The following TMC5 variants were observed in gnomAD, a reference collection of about 807,000 sequenced individuals.
TMC5 encodes the protein transmembrane channel-like protein 5.
In TMC5, 86 loss-of-function variants were observed where a neutral mutation model predicts 110.5. The observed-to-expected ratio is 0.78, with a 90% CI of 0.65 to 0.93. TMC5 has a LOEUF of 0.93. TMC5 is among the 40% of genes least tolerant of loss of function. The pLI is 0.00. For synonymous variants in TMC5, 455 were observed against 439.5 expected (o/e 1.04, Z -0.44); for missense variants, 1,144 against 1,222.8 (o/e 0.94, Z 0.96).
intron 5 of TMC5, among the ~76,000 whole-genome samples, chr16:19,455,307 G>A (rs1049605939): frequency 7.9e-5 from 12 of 151,990 alleles, no homozygotes; most frequent in Admixed American, 3.3e-4. Flanking sequence ...AATTTGCCAG[G>A]CTACTCAGGA....
chr16:19,497,282 C>A, intron 21 of TMC5, 119 bp downstream of exon 21: 3 of 1,045,766 alleles, frequency 2.9e-6, no homozygotes, highest in Admixed American at 2.1e-5. Flanking sequence ...TGGATCCAAA[C>A]TGGCTTAAAC....
intron 15 of TMC5, among the ~76,000 whole-genome samples, chr16:19,486,582 G>A (rs1280096558): frequency 6.6e-6 from 1 of 151,970 alleles, no homozygotes; most frequent in Non-Finnish European, 1.5e-5. Context: ...TCACCATGTT[G>A]CCCAGGCTGG....
chr16:19,478,562 A>G (rs981857513), intron 13 of TMC5, among the ~76,000 whole-genome samples: 2 of 151,756 alleles, frequency 1.3e-5, no homozygotes, highest in African/African-American at 4.9e-5. Flanking sequence ...ATTCATTCAT[A>G]CATCCATCCA....
chr16:19,462,482 T>C lies in TMC5; in HGVS notation c.1149-798T>C, dbSNP rs570597527. On this transcript the variant is annotated intron_variant, in intron 6 of 21. Coordinates refer to ENST00000542583, the MANE Select transcript of TMC5 (RefSeq NM_001261841.2). ...TGATTTATAAAGGAAAGAGGTTTAATGGACTCACTGTTCCACACAGCAGGG... is the reference window on the plus strand; with the variant it reads ...TGATTTATAAAGGAAAGAGGTTTAACGGACTCACTGTTCCACACAGCAGGG... 12 of 700,726 alleles carry C rather than the reference T, an allele frequency of 1.7e-5. No individual in the cohort carries two copies. The East Asian group carries it at 2.7e-4, about 16-fold the overall frequency. The allele number at this position is 700,726 out of a possible 1,614,324, so 43.4% of individuals were successfully genotyped here.
upstream of TMC5, among the ~76,000 whole-genome samples, chr16:19,413,753 A>G (rs1293827487): frequency 1.3e-5 from 2 of 152,066 alleles, no homozygotes; most frequent in African/African-American, 4.8e-5. Context: ...TCCCAGCCCT[A>G]GTCATCTACA....
At chr16:19,423,803 G>C (rs1038724335) in intron 1 of TMC5, among the ~76,000 whole-genome samples, 1 of 152,136 alleles carries the variant, frequency 6.6e-6, no homozygotes, top group African/African-American at 2.4e-5. Flanking sequence ...CCAGGCTGGA[G>C]TGCAGTGGTG....
intron 19 of TMC5, among the ~76,000 whole-genome samples, chr16:19,492,965 T>TA (rs1323945383): frequency 8.8e-6 from 1 of 114,116 alleles, no homozygotes; most frequent in East Asian, 2.3e-4. Flanking sequence ...TTATTTCATT[T>TA]ATTTATTTAT....
intron 1 of TMC5, among the ~76,000 whole-genome samples, chr16:19,412,578 GGCT>G (rs1966858475): frequency 6.6e-6 from 1 of 152,100 alleles, no homozygotes; most frequent in Non-Finnish European, 1.5e-5. Flanking sequence ...ATGTTGGCCA[GGCT>G]GGTCTTGAAC....
Position 19,440,595 on chromosome 16 carries a change from A to G in TMC5, c.557A>G (p.Lys186Arg), listed in dbSNP as rs779644339. Reference protein sequence around the residue: ...RANLNHPGSRKNLEHTSFRIN... With the variant: ...RANLNHPGSRRNLEHTSFRIN... ...AATTTGAACCATCCAGGATCCAGAA[A>G]GAATCTGGAACATACAAGTTTTAGA... Residue 186 changes from lysine to arginine, a missense_variant, in exon 3 of 22, where the codon AAG becomes AGG. Physicochemically the swap from Lys to Arg is conservative, Grantham distance 26. Coordinates refer to ENST00000542583, the MANE Select transcript of TMC5 (RefSeq NM_001261841.2). 1 of 1,614,198 alleles carries G rather than the reference A, an allele frequency of 6.2e-7. No individual in the cohort carries two copies. Among genetic ancestry groups the G allele is most frequent in the South Asian group, 1.1e-5 (1 of 91,080 alleles).
At chr16:19,410,625 C>G (rs1900629565), upstream of TMC5, 1 of 152,318 alleles carries the variant, frequency 6.6e-6, no homozygotes, top group Admixed American at 6.5e-5. Context: ...CGTCCCAACC[C>G]AGCAGGAACT....
chr16:19,445,961 G>A (rs965941779), intron 4 of TMC5, among the ~76,000 whole-genome samples: 1 of 151,634 alleles, frequency 6.6e-6, no homozygotes, highest in African/African-American at 2.4e-5. Flanking sequence ...GCTGCCGTGA[G>A]CCATGACTGT....
Position 19,425,973 on chromosome 16 carries a change from C to T in TMC5, c.-307-4440C>T, listed in dbSNP as rs1967081828. Among the ~76,000 whole-genome samples, 3 of 152,206 alleles carry T rather than the reference C, an allele frequency of 2.0e-5. No individual in the cohort carries two copies. In the South Asian group the frequency reaches 6.2e-4, roughly 31 times the overall value. Reference sequence around the variant, plus strand: ...AATTGCTGGGATTACAGGCGTGAGCCACCGCACCCAGCCAATAGCACCTAT... The same window carrying T: ...AATTGCTGGGATTACAGGCGTGAGCTACCGCACCCAGCCAATAGCACCTAT... On this transcript the variant is annotated intron_variant, in intron 1 of 21. Coordinates refer to ENST00000542583, the MANE Select transcript of TMC5 (RefSeq NM_001261841.2).
chr16:19,489,358 A>G (rs9888809), intron 17 of TMC5, among the ~76,000 whole-genome samples: 124,685 of 151,846 alleles, frequency 0.82, 51,443 homozygotes, highest in South Asian at 0.93. Context: ...TTTTTGAGAC[A>G]GAGTCTCACT....
chr16:19,490,381 C>G lies in TMC5; in HGVS notation c.2574-14C>G. On this transcript the variant is annotated splice_polypyrimidine_tract_variant and intron_variant, in intron 17 of 21. Transcript: ENST00000542583. Reference sequence around the variant, plus strand: ...TCTTGTGCTAGAGATGTTCTTCCATCTTTGTTTTACCAGATTGAAGCCTTC... The same window carrying G: ...TCTTGTGCTAGAGATGTTCTTCCATGTTTGTTTTACCAGATTGAAGCCTTC... 6.2e-7 allele frequency: 1 copy of G among 1,613,720 alleles called. No individual in the cohort carries two copies. Among genetic ancestry groups the G allele is most frequent in the Middle Eastern group, 1.7e-4 (1 of 6,060 alleles).
chr16:19,490,276 GATT>G, intron 17 of TMC5, 116 bp from the exon 18 acceptor site: 1 of 991,496 alleles, frequency 1.0e-6, no homozygotes, highest in Non-Finnish European at 1.5e-6. Context: ...AAGTGGGTGT[GATT>G]GGATCAGGCA....
chr16:19,444,407 G>T (rs371912473), intron 4 of TMC5, among the ~76,000 whole-genome samples, 157 bp downstream of exon 4: 5 of 152,076 alleles, frequency 3.3e-5, no homozygotes, highest in African/African-American at 1.2e-4. Context: ...AGAATTCAGT[G>T]TTTAGAGAAG....
chr16:19,469,673 T>A lies in TMC5; in HGVS notation c.1638-8T>A, dbSNP rs1029689524. 1.9e-6 allele frequency: 3 copies of A among 1,613,856 alleles called. No homozygotes were observed. On this transcript the variant is annotated splice_polypyrimidine_tract_variant and splice_region_variant and intron_variant, in intron 9 of 21. Coordinates refer to ENST00000542583, the MANE Select transcript of TMC5 (RefSeq NM_001261841.2). ...ACCTTCAGGTGTTCTGCTTTCTGCCTTCTCTAGCATGGCCAAGTATTTCCG... is the reference window on the plus strand; with the variant it reads ...ACCTTCAGGTGTTCTGCTTTCTGCCATCTCTAGCATGGCCAAGTATTTCCG...
At position 19,439,952 on chromosome 16, in the gene TMC5, T is replaced by C; in HGVS notation, c.-79-8T>C. 1 of 1,180,142 alleles carries C rather than the reference T, an allele frequency of 8.5e-7. No homozygotes were observed. Among genetic ancestry groups the C allele is most frequent in the South Asian group, 1.5e-5 (1 of 65,584 alleles). 73.1% of individuals were successfully genotyped at this position (1,180,142 alleles called of 1,614,324 possible). A position where few individuals can be genotyped will look rare whatever the true frequency, so the allele number is the denominator to read the frequency against. Reference sequence around the variant, plus strand: ...AATCTGACTTTTTCTTTTCTTCTTGTTTTTCAGGTGAAAAAAAAAAAAGAT... The same window carrying C: ...AATCTGACTTTTTCTTTTCTTCTTGCTTTTCAGGTGAAAAAAAAAAAAGAT... On this transcript the variant is annotated splice_region_variant and splice_polypyrimidine_tract_variant and intron_variant, in intron 2 of 21. Coordinates refer to ENST00000542583, the MANE Select transcript of TMC5 (RefSeq NM_001261841.2).
At chr16:19,417,094 C>CAAAAAAAAAAAAAA (rs60613963), upstream of TMC5, among the ~76,000 whole-genome samples, 1 of 69,186 alleles carries the variant, frequency 1.4e-5, no homozygotes, top group African/African-American at 6.8e-5. Flanking sequence ...ACTCAGTCTT[C>CAAAAAAAAAAAAAA]AAAAAAAAAA....
Sources: gnomAD v4.1 joint callset for allele counts (sites outside exome capture counted in the v4.1 genomes callset) on GRCh38, gnomAD v4.1.1 for gene constraint, MANE v1.5 for transcripts, NCBI Gene and HGNC (gene_info 2026-07-23, HGNC 2026-07-21) for gene names.